SESN3: variants seen among roughly 807,000 people sequenced by gnomAD.
The protein encoded by SESN3 is sestrin-3.
Under a neutral mutation model 55.3 loss-of-function variants are expected in SESN3, and 21 were observed. The ratio of observed to expected loss-of-function variants is 0.38; its 90% CI spans 0.27 to 0.55. The LOEUF (loss-of-function observed/expected upper bound fraction) is 0.55. SESN3 is among the 20% of genes least tolerant of loss of function. The pLI, the probability that SESN3 is intolerant of heterozygous loss-of-function variation, is 0.76. For synonymous variants in SESN3, 181 were observed against 203.1 expected, an observed-to-expected ratio of 0.89 and a Z score of 0.93; for missense variants, 408 against 604.3, an observed-to-expected ratio of 0.68 and a Z score of 3.41.
chr11:95,230,616 C>T lies in SESN3; in HGVS notation c.78+167G>A. 1.7e-6 allele frequency: 1 copy of T among 573,014 alleles called. No homozygotes were observed. Among genetic ancestry groups the T allele is most frequent in the Non-Finnish European group, 3.0e-6 (1 of 330,588 alleles). The allele number at this position is 573,014 out of a possible 1,614,324, so 35.5% of individuals were successfully genotyped here. On this transcript the variant is annotated intron_variant, in intron 1 of 9. Coordinates refer to ENST00000536441, the MANE Select transcript of SESN3 (RefSeq NM_144665.4). The surrounding 1 kb of genome is among the most constrained non-coding windows in gnomAD (Gnocchi z 4.6). ...GGCGGAAATAAAAAGCCGCAGTAGT[C>T]CAAACCCTCCTGCCCTCAACCCACG... is the stretch of plus-strand genomic sequence containing the variant.
rs1450231733 is a variant in SESN3, at chr11:95,173,053, A to ATTGT, written c.*198_*201dup. 4.4e-6 allele frequency: 2 copies of ATTGT among 452,680 alleles called. No homozygotes were observed. Among genetic ancestry groups the ATTGT allele is most frequent in the Non-Finnish European group, 8.0e-6 (2 of 248,688 alleles). The allele number at this position is 452,680 out of a possible 1,614,324, so 28.0% of individuals were successfully genotyped here. A position where few individuals can be genotyped will look rare whatever the true frequency, so the allele number is the denominator to read the frequency against. Reference sequence around the variant, plus strand: ...AGTGCTCCTCAGTATTATTTTTGCAATTGTTAGTAATGTTAAGCATCAAGG... The same window carrying ATTGT: ...AGTGCTCCTCAGTATTATTTTTGCAATTGTTTGTTAGTAATGTTAAGCATCAAGG... On this transcript the variant is annotated 3_prime_UTR_variant, in exon 10 of 10. Coordinates refer to ENST00000536441, the MANE Select transcript of SESN3 (RefSeq NM_144665.4).
chr11:95,196,787 C>A (rs577347998), intron 1 of SESN3, among the ~76,000 whole-genome samples: 1 of 152,222 alleles, frequency 6.6e-6, no homozygotes, highest in Admixed American at 6.5e-5. Flanking sequence ...GACAGTTCTA[C>A]CGGACAGTGC....
rs916404805 is a variant in SESN3, at chr11:95,169,164, C to T, written c.*4091G>A. The T allele has an allele frequency of 6.6e-6, 1 of 152,190 alleles. No homozygotes were observed. Among genetic ancestry groups the T allele is most frequent in the East Asian group, 1.9e-4 (1 of 5,196 alleles). 9.4% of individuals were successfully genotyped at this position (152,190 alleles called of 1,614,324 possible). A position where few individuals can be genotyped will look rare whatever the true frequency, so the allele number is the denominator to read the frequency against. Reference sequence around the variant, plus strand: ...CAAATTAGCATTGAAATAAGCTCCACATACAGTGGGCATATAAGTTCTGTT... The same window carrying T: ...CAAATTAGCATTGAAATAAGCTCCATATACAGTGGGCATATAAGTTCTGTT... On this transcript the variant is annotated 3_prime_UTR_variant, in exon 10 of 10. Coordinates refer to ENST00000536441, the MANE Select transcript of SESN3 (RefSeq NM_144665.4).
At chr11:95,226,587 TTTAAC>T (rs1860951998) in intron 1 of SESN3, among the ~76,000 whole-genome samples, 1 of 152,216 alleles carries the variant, frequency 6.6e-6, no homozygotes, top group Non-Finnish European at 1.5e-5. Context: ...CAAGTAAACA[TTTAAC>T]TTAAGTAAAT....
At chr11:95,232,273 G>A (rs1861085552), upstream of SESN3, 1 of 152,294 alleles carries the variant, frequency 6.6e-6, no homozygotes, top group Non-Finnish European at 1.5e-5. Context: ...AGACGGGTAG[G>A]GGAGCCAGGT....
intron 8 of SESN3, among the ~76,000 whole-genome samples, chr11:95,176,688 A>G (rs1859962835): frequency 6.6e-6 from 1 of 152,180 alleles, no homozygotes; most frequent in African/African-American, 2.4e-5. Context: ...TGATGCATTT[A>G]TGTAAGCTTT....
intron 7 of SESN3, 57 bp from the exon 8 acceptor site, chr11:95,177,966 G>T: frequency 1.7e-6 from 2 of 1,180,266 alleles, no homozygotes; most frequent in Non-Finnish European, 2.4e-6. Flanking sequence ...TAAATTCTAT[G>T]TATTATTAAA....
chr11:95,220,274 AAAGT>A (rs1014001042), intron 1 of SESN3, among the ~76,000 whole-genome samples: 1 of 152,240 alleles, frequency 6.6e-6, no homozygotes, highest in East Asian at 1.9e-4. Context: ...AATTTACCAA[AAAGT>A]AAGAATATTT....
chr11:95,199,210 C>G (rs1565469410), intron 1 of SESN3, among the ~76,000 whole-genome samples: 1 of 151,860 alleles, frequency 6.6e-6, no homozygotes, highest in Admixed American at 6.6e-5. Flanking sequence ...TCATGAAATC[C>G]TATAATTTTA....
Position 95,200,399 on chromosome 11 carries a change from ATTGATG to A in SESN3, c.79-6883_79-6878del, listed in dbSNP as rs552295160. Among the ~76,000 whole-genome samples the A allele has an allele frequency of 2.0e-3, 297 of 152,238 alleles. 5 individuals are homozygous for A. The highest frequency in any genetic ancestry group is 0.018 in the Admixed American group (277 of 15,262). ...ACTTCTATACCATATTAAAATATGT[ATTGATG>A]TTCACCAGATTATAATAACTGAGAT... On this transcript the variant is annotated intron_variant, in intron 1 of 9. Transcript: ENST00000536441.
chr11:95,193,940 TCTG>T (rs1200766808), intron 1 of SESN3, among the ~76,000 whole-genome samples: 3 of 152,148 alleles, frequency 2.0e-5, no homozygotes, highest in Non-Finnish European at 4.4e-5. Context: ...AATTACCCAG[TCTG>T]CTTTTTTTCC....
chr11:95,194,185 A>C (rs1860318431), intron 1 of SESN3, among the ~76,000 whole-genome samples: 1 of 151,972 alleles, frequency 6.6e-6, no homozygotes, highest in Non-Finnish European at 1.5e-5. Context: ...TAGATTGAAA[A>C]ATATTTTAGT....
rs185953200 is a variant in SESN3, at chr11:95,182,300, A to C, written c.937+2120T>G. The C allele has an allele frequency of 5.8e-3, 1,090 of 186,620 alleles. 8 individuals carry two copies. Among genetic ancestry groups the C allele is most frequent in the African/African-American group, 0.024 (1,025 of 41,948 alleles). The allele number at this position is 186,620 out of a possible 1,614,324, so 11.6% of individuals were successfully genotyped here. On this transcript the variant is annotated intron_variant, in intron 6 of 9. Transcript: ENST00000536441. ...ATAAATGTTTACATTTTTAGACATT[A>C]GTTTACCTAGAAGGTTCATCATAGA...
chr11:95,184,285 G>T, intron 6 of SESN3, 135 bp downstream of exon 6: 1 of 708,674 alleles, frequency 1.4e-6, no homozygotes, highest in Non-Finnish European at 2.4e-6. Context: ...TAGCATGAGG[G>T]TAAGATAGAA....
At position 95,202,161 on chromosome 11, in the gene SESN3, A is replaced by G. The variant is rs188458990; in HGVS notation, c.79-8639T>C. Among the ~76,000 whole-genome samples, 623 of 152,136 alleles carry G rather than the reference A, an allele frequency of 4.1e-3. 6 individuals carry two copies. Among genetic ancestry groups the G allele is most frequent in the African/African-American group, 0.014 (587 of 41,542 alleles). ...ATCATTATCTTATTGCTCCTTTCAGACTATAAGCTCCTTAAAGAGTAGAAT... is the reference window on the plus strand; with the variant it reads ...ATCATTATCTTATTGCTCCTTTCAGGCTATAAGCTCCTTAAAGAGTAGAAT... On this transcript the variant is annotated intron_variant, in intron 1 of 9. Coordinates refer to ENST00000536441, the MANE Select transcript of SESN3 (RefSeq NM_144665.4).
intron 9 of SESN3, among the ~76,000 whole-genome samples, chr11:95,174,161 T>C (rs1485524803): frequency 2.0e-5 from 3 of 152,162 alleles, no homozygotes. Flanking sequence ...CTTCAAAAAA[T>C]CTGTTAGGTA....
At chr11:95,221,994 G>A (rs1860867106) in intron 1 of SESN3, among the ~76,000 whole-genome samples, 1 of 152,170 alleles carries the variant, frequency 6.6e-6, no homozygotes, top group Non-Finnish European at 1.5e-5. Flanking sequence ...CAAAGTAAAG[G>A]GCTTGTGAGG....
chr11:95,181,006 A>G (rs1210220502), intron 6 of SESN3, among the ~76,000 whole-genome samples: 1 of 152,124 alleles, frequency 6.6e-6, no homozygotes, highest in Non-Finnish European at 1.5e-5. Context: ...GCTGCTATGA[A>G]AGGTAGTTTT....
rs564876744 is a variant in SESN3, at chr11:95,230,635, A to C, written c.78+148T>G. 5 of 609,524 alleles carry C rather than the reference A, an allele frequency of 8.2e-6. No homozygotes were observed. The South Asian group carries it at 9.6e-5, about 12-fold the overall frequency. 37.8% of individuals were successfully genotyped at this position (609,524 alleles called of 1,614,324 possible). On this transcript the variant is annotated intron_variant, in intron 1 of 9. Coordinates refer to ENST00000536441, the MANE Select transcript of SESN3 (RefSeq NM_144665.4). This position sits in a 1 kb window ranked among gnomAD's most constrained non-coding sequence, Gnocchi z 4.6. ...AGTAGTCCAAACCCTCCTGCCCTCA[A>C]CCCACGCCCCCTTTCTCAGTCCCTG...
Sources: gnomAD v4.1 joint callset for allele counts (sites outside exome capture counted in the v4.1 genomes callset) on GRCh38, gnomAD v4.1.1 for gene constraint, Gnocchi (gnomAD v3.1) non-coding constraint, MANE v1.5 for transcripts, NCBI Gene and HGNC (gene_info 2026-07-23, HGNC 2026-07-21) for gene names.